Variants in KCNIP4 observed in about 807,000 individuals in gnomAD.
The protein encoded by KCNIP4 is Kv channel-interacting protein 4.
In KCNIP4, 12 loss-of-function variants were observed where a neutral mutation model predicts 34.0. That is an observed-to-expected ratio of 0.35 (90% CI 0.23 to 0.57). The LOEUF (loss-of-function observed/expected upper bound fraction) is 0.57. KCNIP4 is among the 20% of genes least tolerant of loss of function. KCNIP4 has a pLI of 0.83. For missense variants in KCNIP4, 238 were observed against 311.7 expected, an observed-to-expected ratio of 0.76 and a Z score of 1.78; for synonymous variants, 124 against 102.2, an observed-to-expected ratio of 1.21 and a Z score of -1.29.
intron 1 of KCNIP4, among the ~76,000 whole-genome samples, chr4:21,454,466 G>T (rs919029943): frequency 6.6e-6 from 1 of 152,116 alleles, no homozygotes; most frequent in African/African-American, 2.4e-5. Context: ...TGGAGACACA[G>T]TCTGATCGAA....
At chr4:21,292,768 T>C (rs1358297286) in intron 1 of KCNIP4, among the ~76,000 whole-genome samples, 3 of 152,202 alleles carry the variant, frequency 2.0e-5, no homozygotes, top group Non-Finnish European at 4.4e-5. Context: ...GATACACCAA[T>C]ATCTAAGCCT....
intron 1 of KCNIP4, among the ~76,000 whole-genome samples, chr4:21,827,399 G>A (rs955533257): frequency 6.6e-6 from 1 of 151,994 alleles, no homozygotes; most frequent in Non-Finnish European, 1.5e-5. Context: ...AAATTTCAGT[G>A]TTTTGCAGTA....
At chr4:21,690,050 A>C (rs914685371) in intron 1 of KCNIP4, among the ~76,000 whole-genome samples, 1 of 150,412 alleles carries the variant, frequency 6.6e-6, no homozygotes, top group East Asian at 1.9e-4. Flanking sequence ...CTTGCTAAAA[A>C]CTGATTTGTT....
chr4:21,216,620 C>G (rs760798209), intron 1 of KCNIP4, among the ~76,000 whole-genome samples: 3 of 152,146 alleles, frequency 2.0e-5, no homozygotes, highest in African/African-American at 7.2e-5. Context: ...CAATGTCACA[C>G]AGCTGAGAAG....
chr4:21,789,015 A>G (rs10012670), intron 1 of KCNIP4, among the ~76,000 whole-genome samples: 127,686 of 148,532 alleles, frequency 0.86, 54,942 homozygotes, highest in Admixed American at 0.88. Flanking sequence ...AGAGGCTGCA[A>G]TGAGCTGAGA....
In KCNIP4 at chr4:20,811,759, C is replaced by T. The variant is rs564063731; in HGVS notation, c.288+38784G>A. On this transcript the variant is annotated intron_variant, in intron 3 of 8. Coordinates refer to ENST00000382152, the MANE Select transcript of KCNIP4 (RefSeq NM_025221.6). ...AAGTTTTTCAAAAGATGAGCACTTC[C>T]GCCAAATTCTTCATCACACATTGTA... Among the ~76,000 whole-genome samples, 31 of 152,174 alleles carry T rather than the reference C, an allele frequency of 2.0e-4. 1 individual carries two copies. The highest frequency in any genetic ancestry group is 3.4e-3 in the Middle Eastern group (1 of 294).
At chr4:21,324,514 T>C (rs1169851622) in intron 1 of KCNIP4, among the ~76,000 whole-genome samples, 2 of 151,940 alleles carry the variant, frequency 1.3e-5, no homozygotes, top group African/African-American at 4.8e-5. Flanking sequence ...TCTCCTTTCA[T>C]CAATGTATGT....
At chr4:21,240,654 A>G (rs147067869) in intron 1 of KCNIP4, among the ~76,000 whole-genome samples, 70 of 152,254 alleles carry the variant, frequency 4.6e-4, no homozygotes, top group African/African-American at 1.6e-3. Flanking sequence ...AATTTATTAG[A>G]GAAGGCTTCC....
chr4:21,434,568 G>A (rs1024537289), intron 1 of KCNIP4, among the ~76,000 whole-genome samples: 3 of 152,000 alleles, frequency 2.0e-5, no homozygotes, highest in African/African-American at 7.2e-5. Flanking sequence ...GTGAGTGGCA[G>A]GCAAGTGAGC....
At chr4:21,488,555 C>G (rs1477453014) in intron 1 of KCNIP4, among the ~76,000 whole-genome samples, 2 of 151,820 alleles carry the variant, frequency 1.3e-5, no homozygotes, top group Admixed American at 1.3e-4. Flanking sequence ...CTATATTAAG[C>G]CAGGTAGAAA....
At chr4:21,029,074 C>T (rs1046107047) in intron 1 of KCNIP4, among the ~76,000 whole-genome samples, 2 of 152,124 alleles carry the variant, frequency 1.3e-5, no homozygotes, top group African/African-American at 4.8e-5. Flanking sequence ...GAGACACAAA[C>T]ATTCTACCAA....
In KCNIP4 at chr4:21,104,445, GT is replaced by G. The variant is rs1187012824; in HGVS notation, c.62-221737del. Among the ~76,000 whole-genome samples, 6 of 152,070 alleles carry G rather than the reference GT, an allele frequency of 3.9e-5. No homozygotes were observed. The East Asian group carries it at 1.2e-3, about 29-fold the overall frequency. On this transcript the variant is annotated intron_variant, in intron 1 of 8. Coordinates refer to ENST00000382152, the MANE Select transcript of KCNIP4 (RefSeq NM_025221.6). ...CATCCACTTTTTGATGGGGTTGTTT[GT>G]TTTTTTCTTGTAAATTTGTTTAAGT... is the stretch of plus-strand genomic sequence containing the variant.
chr4:21,739,461 T>A (rs1419524472), intron 1 of KCNIP4, among the ~76,000 whole-genome samples: 1 of 152,060 alleles, frequency 6.6e-6, no homozygotes, highest in Non-Finnish European at 1.5e-5. Flanking sequence ...TTCTATCTCT[T>A]TTTTTCTTAA....
intron 1 of KCNIP4, among the ~76,000 whole-genome samples, chr4:21,646,896 G>A (rs899622505): frequency 2.0e-5 from 3 of 151,926 alleles, no homozygotes; most frequent in African/African-American, 7.3e-5. Context: ...CAAATGAGAA[G>A]GTAAAATTTA....
At chr4:21,168,866 T>C (rs1027304534) in intron 1 of KCNIP4, among the ~76,000 whole-genome samples, 1 of 152,176 alleles carries the variant, frequency 6.6e-6, no homozygotes, top group African/African-American at 2.4e-5. Flanking sequence ...GGGAGTCCTC[T>C]GGTGTAGCTC....
intron 1 of KCNIP4, among the ~76,000 whole-genome samples, chr4:21,412,521 C>T (rs1724593955): frequency 6.6e-6 from 1 of 152,204 alleles, no homozygotes; most frequent in African/African-American, 2.4e-5. Flanking sequence ...TTCTGGAAAA[C>T]AGGGAGAGAC....
At chr4:21,797,054 C>A (rs1226358969) in intron 1 of KCNIP4, among the ~76,000 whole-genome samples, 1 of 152,186 alleles carries the variant, frequency 6.6e-6, no homozygotes, top group East Asian at 1.9e-4. Flanking sequence ...AGAAGCCACT[C>A]AGCCTTCCCT....
intron 3 of KCNIP4, among the ~76,000 whole-genome samples, chr4:20,774,490 T>C (rs1286615497): frequency 2.0e-5 from 3 of 152,216 alleles, no homozygotes; most frequent in African/African-American, 7.2e-5. Flanking sequence ...GAAAGCATAT[T>C]ATATGTCAGA....
At chr4:20,810,689 T>C (rs1432644285) in intron 3 of KCNIP4, among the ~76,000 whole-genome samples, 1 of 152,136 alleles carries the variant, frequency 6.6e-6, no homozygotes, top group East Asian at 1.9e-4. Context: ...AAGAGTTAGA[T>C]CTGGGTGGTG....
Sources: allele counts gnomAD v4.1 joint callset (sites outside exome capture counted in the v4.1 genomes callset), GRCh38; gene constraint gnomAD v4.1.1; transcripts MANE v1.5; gene names NCBI Gene and HGNC (gene_info 2026-07-23, HGNC 2026-07-21).